The following ZFYVE1 variants were observed in gnomAD, a reference collection of about 807,000 sequenced individuals.
ZFYVE1 encodes zinc finger FYVE domain-containing protein 1.
Under a neutral mutation model 74.4 loss-of-function variants are expected in ZFYVE1, and 30 were observed. The observed-to-expected ratio is 0.40, with a 90% CI of 0.30 to 0.55. The LOEUF (loss-of-function observed/expected upper bound fraction) is 0.55. ZFYVE1 is among the 20% of genes least tolerant of loss of function. The probability of loss-of-function intolerance (pLI) is 0.42; values close to 1 mark genes in which losing one functional copy is unlikely to be tolerated. For missense variants in ZFYVE1, 703 were observed against 1,011.6 expected, an observed-to-expected ratio of 0.69 and a Z score of 4.14; for synonymous variants, 335 against 385.1, an observed-to-expected ratio of 0.87 and a Z score of 1.52.
chr14:73,011,813 T>C (rs1187042326), intron 2 of ZFYVE1, among the ~76,000 whole-genome samples: 2 of 148,858 alleles, frequency 1.3e-5, no homozygotes, highest in African/African-American at 4.9e-5. Context: ...TGAGCCACCA[T>C]GTCTGGCCTA....
In ZFYVE1 at chr14:72,974,257, G is replaced by T. The variant is rs1295145484; in HGVS notation, c.1988-64C>A. 7 of 1,470,754 alleles carry T rather than the reference G, an allele frequency of 4.8e-6. No homozygotes were observed. The East Asian group carries it at 9.1e-5, about 19-fold the overall frequency. The allele number at this position is 1,470,754 out of a possible 1,614,324, so 91.1% of individuals were successfully genotyped here. On this transcript the variant is annotated intron_variant, in intron 10 of 11. Transcript: ENST00000556143. ...TCCTCTCCCAAATGGAAAACTCAGG[G>T]ACCAATAGCAGAACGCTTCTGGATT...
chr14:72,994,848 T>G (rs1437402353), intron 3 of ZFYVE1, among the ~76,000 whole-genome samples: 2 of 152,212 alleles, frequency 1.3e-5, no homozygotes, highest in African/African-American at 4.8e-5. Context: ...TGGATATACT[T>G]AACTAATCAC....
At chr14:73,021,063 G>A (rs1442437229) in intron 2 of ZFYVE1, among the ~76,000 whole-genome samples, 2 of 152,076 alleles carry the variant, frequency 1.3e-5, no homozygotes, top group Non-Finnish European at 2.9e-5. Flanking sequence ...AACTGAAGTT[G>A]GCTGGGCACA....
At chr14:73,026,518 A>C (rs1163787821) in intron 1 of ZFYVE1, among the ~76,000 whole-genome samples, 1 of 152,196 alleles carries the variant, frequency 6.6e-6, no homozygotes, top group Non-Finnish European at 1.5e-5. Flanking sequence ...GCCAGCTCCC[A>C]AAACAGAAAC....
Position 72,970,568 on chromosome 14 carries a change from A to G in ZFYVE1, c.*314T>C. On this transcript the variant is annotated 3_prime_UTR_variant, in exon 12 of 12. Coordinates refer to ENST00000556143, the MANE Select transcript of ZFYVE1 (RefSeq NM_021260.4). ...CTTCACAGCCAGCAGCAGCCTCGAT[A>G]CGCCCCGAGTGCCTTTCATATGTAT... 2 of 319,554 alleles carry G rather than the reference A, an allele frequency of 6.3e-6. No homozygotes were observed. The highest frequency in any genetic ancestry group is 7.8e-5 in the South Asian group (2 of 25,528). 19.8% of individuals were successfully genotyped at this position (319,554 alleles called of 1,614,324 possible). A position where few individuals can be genotyped will look rare whatever the true frequency, so the allele number is the denominator to read the frequency against.
chr14:72,989,949 T>C (rs973437870), intron 4 of ZFYVE1, among the ~76,000 whole-genome samples: 1 of 152,048 alleles, frequency 6.6e-6, no homozygotes, highest in African/African-American at 2.4e-5. Flanking sequence ...AAAAAATTAA[T>C]ACAACAGCAT....
Position 72,998,051 on chromosome 14 carries a change from T to G in ZFYVE1, c.748A>C (p.Thr250Pro), listed in dbSNP as rs1893788367. The change falls in exon 3 of 12, where the codon ACA becomes CCA. Residue 250 changes from threonine to proline, a missense_variant. By Grantham distance (38) the Thr-to-Pro change is conservative (BLOSUM62 -1). Coordinates refer to ENST00000556143, the MANE Select transcript of ZFYVE1 (RefSeq NM_021260.4). ...GCCAGGACCTTAAGCAGCAGCCGTG[T>G]TCTCTGGCTTAGATTCACGGTGGCC... ...LGATVNLSQR[T>P]RLLLKVLAIS... The G allele has an allele frequency of 6.2e-7, 1 of 1,613,980 alleles. No individual in the cohort carries two copies. The highest frequency in any genetic ancestry group is 1.3e-5 in the African/African-American group (1 of 74,898).
intron 2 of ZFYVE1, among the ~76,000 whole-genome samples, chr14:73,020,708 C>T (rs949285410): frequency 1.3e-5 from 2 of 152,092 alleles, no homozygotes; most frequent in Non-Finnish European, 2.9e-5. Flanking sequence ...CCAGGCACGG[C>T]GGCTCAGCCT....
Position 72,971,125 on chromosome 14 carries a change from G to C in ZFYVE1, c.2102-11C>G. ...CGTCCTTTACCAGACCTAAGGCAGG[G>C]AACAATGGTCAGGGCACCCAAAGCC... On this transcript the variant is annotated splice_polypyrimidine_tract_variant and intron_variant, in intron 11 of 11. Coordinates refer to ENST00000556143, the MANE Select transcript of ZFYVE1 (RefSeq NM_021260.4). 1 of 1,613,792 alleles carries C rather than the reference G, an allele frequency of 6.2e-7. No individual in the cohort carries two copies.
rs569469110 is a variant in ZFYVE1 at position 72,971,510 on chromosome 14, T to G, written c.2102-396A>C. ...CACCACCACACCTGGCTAATTTTTG[T>G]AGAGACAGGGTTTCACCATGTTGTC... On this transcript the variant is annotated intron_variant, in intron 11 of 11. Transcript: ENST00000556143. Among the ~76,000 whole-genome samples, 320 of 152,250 alleles carry G rather than the reference T, an allele frequency of 2.1e-3. 2 individuals are homozygous for G. The highest frequency in any genetic ancestry group is 3.4e-3 in the Middle Eastern group (1 of 294).
chr14:72,970,687 A>T lies in ZFYVE1; in HGVS notation c.*195T>A. The T allele has an allele frequency of 1.6e-6, 1 of 616,024 alleles. No individual in the cohort carries two copies. The highest frequency in any genetic ancestry group is 2.9e-6 in the Non-Finnish European group (1 of 347,982). The allele number at this position is 616,024 out of a possible 1,614,324, so 38.2% of individuals were successfully genotyped here. A position where few individuals can be genotyped will look rare whatever the true frequency, so the allele number is the denominator to read the frequency against. On this transcript the variant is annotated 3_prime_UTR_variant, in exon 12 of 12. Transcript: ENST00000556143. ...TCATTCCCCTTTGCGATAAGTTGCA[A>T]GGTCCCCTGCCCTGAGGGGTCCACA...
chr14:72,990,689 CTTTTTTTTTTTTTT>C (rs369030778), intron 4 of ZFYVE1, among the ~76,000 whole-genome samples: 5 of 66,682 alleles, frequency 7.5e-5, no homozygotes, highest in Admixed American at 2.6e-4. Context: ...CGCACCTGGC[CTTTTTTTTTTTTTT>C]TTTTTTTTTT....
At chr14:73,019,812 C>T (rs112463475) in intron 2 of ZFYVE1, among the ~76,000 whole-genome samples, 10,584 of 151,918 alleles carry the variant, frequency 0.07, 527 homozygotes, top group South Asian at 0.18. Context: ...ATTAGCCAGG[C>T]GTGGTGGTGG....
chr14:72,988,474 C>T (rs1210994754), intron 4 of ZFYVE1, among the ~76,000 whole-genome samples: 2 of 148,162 alleles, frequency 1.3e-5, no homozygotes, highest in Non-Finnish European at 3.0e-5. Flanking sequence ...TGCACCTGGC[C>T]TAATAACTTT....
intron 2 of ZFYVE1, among the ~76,000 whole-genome samples, chr14:73,007,924 A>G (rs56146201): frequency 0.07 from 10,609 of 152,254 alleles, 536 homozygotes; most frequent in South Asian, 0.19. Context: ...TTCTCAATCA[A>G]ATGTTTTCTG....
At chr14:73,012,538 C>T (rs998546477) in intron 2 of ZFYVE1, among the ~76,000 whole-genome samples, 5 of 152,060 alleles carry the variant, frequency 3.3e-5, no homozygotes, top group African/African-American at 9.7e-5. Context: ...AGGAGAATTG[C>T]TTGAACCCAG....
At chr14:73,020,340 TTTTG>T (rs1359387391) in intron 2 of ZFYVE1, among the ~76,000 whole-genome samples, 3 of 151,968 alleles carry the variant, frequency 2.0e-5, no homozygotes, top group African/African-American at 7.2e-5. Context: ...GTTCACTGTT[TTTTG>T]TTTGTTTCTT....
rs772894152 is a variant in ZFYVE1, at chr14:72,974,774, G to A, written c.1987+5C>T. On this transcript the variant is annotated splice_donor_5th_base_variant and intron_variant, in intron 10 of 11. Coordinates refer to ENST00000556143, the MANE Select transcript of ZFYVE1 (RefSeq NM_021260.4). ...CACCCCTGCAGCTCCCAGGTCCCAC[G>A]TTACCTAACTGGACGTTCCTGGCTT... 7 of 1,592,160 alleles carry A rather than the reference G, an allele frequency of 4.4e-6. No homozygotes were observed. The highest frequency in any genetic ancestry group is 4.3e-4 in the Middle Eastern group (2 of 4,672).
intron 1 of ZFYVE1, among the ~76,000 whole-genome samples, chr14:73,025,349 G>C (rs912618925): frequency 1.3e-5 from 2 of 151,844 alleles, no homozygotes; most frequent in Non-Finnish European, 2.9e-5. Context: ...GATTACAGGC[G>C]TGAGTCACCG....
Sources: gnomAD v4.1 joint callset for allele counts (sites outside exome capture counted in the v4.1 genomes callset) on GRCh38, gnomAD v4.1.1 for gene constraint, MANE v1.5 for transcripts, NCBI Gene and HGNC (gene_info 2026-07-23, HGNC 2026-07-21) for gene names.